Variants in PCDHA10 observed in about 807,000 individuals in gnomAD.
The protein encoded by PCDHA10 is protocadherin alpha 10.
Under a neutral mutation model 61.2 loss-of-function variants are expected in PCDHA10, and 45 were observed. The ratio of observed to expected loss-of-function variants is 0.74; its 90% CI spans 0.58 to 0.94. The LOEUF (loss-of-function observed/expected upper bound fraction) is 0.94. Ranked by LOEUF, PCDHA10 falls within the 40% of genes least tolerant of loss-of-function variation. PCDHA10 has a pLI of 0.00. For missense variants in PCDHA10, 1,278 were observed against 1,236.2 expected (o/e 1.03, Z -0.51); for synonymous variants, 602 against 548.8 (o/e 1.10, Z -1.35).
At chr5:140,962,772 T>C (rs1039768584) in intron 1 of PCDHA10, among the ~76,000 whole-genome samples, 2 of 152,336 alleles carry the variant, frequency 1.3e-5, no homozygotes, top group Admixed American at 1.3e-4. Context: ...TTTAACAAGA[T>C]GGAATTTTTA....
intron 1 of PCDHA10, among the ~76,000 whole-genome samples, chr5:140,917,117 C>T (rs1318149439): frequency 3.3e-5 from 5 of 152,018 alleles, no homozygotes; most frequent in South Asian, 2.1e-4. Flanking sequence ...CCTCCAAGTG[C>T]GCAGACTCCC....
In PCDHA10 at chr5:140,856,797, T is replaced by C. The variant is rs116416365; in HGVS notation, c.749T>C (p.Met250Thr). The C allele has an allele frequency of 1.0e-3, 1,647 of 1,595,690 alleles. 103 individuals carry two copies. The African/African-American group carries it at 0.02, about 19-fold the overall frequency. Residue 250 changes from methionine to threonine, a missense_variant, in exon 1 of 4, where the codon ATG becomes ACG. Transcript: ENST00000307360. ...IFDRPVYEVK[M>T]YENQVNQTLV... ...GACAGACCGGTTTATGAAGTTAAGA[T>C]GTATGAAAATCAAGTGAACCAAACA... is the stretch of plus-strand genomic sequence containing the variant.
chr5:140,921,030 G>C (rs1266143728), intron 1 of PCDHA10, among the ~76,000 whole-genome samples: 2 of 151,532 alleles, frequency 1.3e-5, no homozygotes, highest in Admixed American at 6.6e-5. Context: ...TCTAGACTGG[G>C]GTGCAGTGGG....
intron 1 of PCDHA10, among the ~76,000 whole-genome samples, chr5:140,885,206 A>G (rs1304868227): frequency 1.3e-5 from 2 of 152,038 alleles, no homozygotes; most frequent in Non-Finnish European, 2.9e-5. Context: ...CATATATCCC[A>G]TGAAAAATAT....
chr5:140,928,959 T>C (rs782250969), intron 1 of PCDHA10: 1 of 1,613,980 alleles, frequency 6.2e-7, no homozygotes, highest in South Asian at 1.1e-5. Context: ...TTGCCTTGGC[T>C]TGTATTTCCT....
chr5:140,950,556 A>G (rs2094497175), intron 1 of PCDHA10, among the ~76,000 whole-genome samples: 2 of 152,036 alleles, frequency 1.3e-5, no homozygotes, highest in Non-Finnish European at 2.9e-5. Context: ...CTGGGGGGAC[A>G]CTTATTTTAA....
intron 1 of PCDHA10, chr5:140,884,069 T>A (rs2059977023): frequency 6.2e-7 from 1 of 1,613,394 alleles, no homozygotes; most frequent in Non-Finnish European, 8.5e-7. Flanking sequence ...GGACGCCGAT[T>A]CGGGCTACAA....
rs782443419 is a variant in PCDHA10, at chr5:140,882,688, A to T, written c.2388+24252A>T. On this transcript the variant is annotated intron_variant, in intron 1 of 3. Coordinates refer to ENST00000307360, the MANE Select transcript of PCDHA10 (RefSeq NM_018901.4). ...TATTCCCTGAAAGCAAGAAACGAATAATCATTGCAGAATCTAGACCTCCGG... is the reference window on the plus strand; with the variant it reads ...TATTCCCTGAAAGCAAGAAACGAATTATCATTGCAGAATCTAGACCTCCGG... The T allele has an allele frequency of 1.2e-5, 20 of 1,614,078 alleles. 1 individual carries two copies. In the South Asian group the frequency reaches 2.2e-4, roughly 18 times the overall value.
In PCDHA10 at chr5:140,856,327, G is replaced by C; in HGVS notation, c.279G>C (p.Glu93Asp). 1 of 1,598,708 alleles carries C rather than the reference G, an allele frequency of 6.3e-7. No individual in the cohort carries two copies. Among genetic ancestry groups the C allele is most frequent in the Non-Finnish European group, 8.6e-7 (1 of 1,168,062 alleles). The change falls in exon 1 of 4, where the codon GAG (glutamate) becomes GAC (aspartate). Residue 93 changes from glutamate (E) to aspartate (D), a missense_variant. By Grantham distance (45) the Glu-to-Asp change is conservative. Transcript: ENST00000307360. The stretch of plus-strand genomic sequence containing the variant: ...TGAATTCTCGGATTGACCGCGAGGA[G>C]CTGTGCGGGCGGAGCGTGGAGTGCA... ...LFVNSRIDRE[E>D]LCGRSVECSI...
rs1041971288 is a variant in PCDHA10, at chr5:140,912,300, A to G, written c.2388+53864A>G. ...CCAGGAACAATACTTTGCCTCCTGT[A>G]ATCCAGTCAAGTTGACCCTCAGTAT... On this transcript the variant is annotated intron_variant, in intron 1 of 3. Coordinates refer to ENST00000307360, the MANE Select transcript of PCDHA10 (RefSeq NM_018901.4). Among the ~76,000 whole-genome samples, 5 of 152,070 alleles carry G rather than the reference A, an allele frequency of 3.3e-5. No homozygotes were observed. The East Asian group carries it at 9.7e-4, about 29-fold the overall frequency.
Position 140,876,962 on chromosome 5 carries a change from G to T in PCDHA10, c.2388+18526G>T, listed in dbSNP as rs375871457. 15 of 1,612,908 alleles carry T rather than the reference G, an allele frequency of 9.3e-6. No homozygotes were observed. The African/African-American group carries it at 1.6e-4, about 17-fold the overall frequency. ...CTGGTGTCCTACTCGCTGGTGGAGCGGCGGGTGGGCGAGCACGCACTGTCG... is the reference window on the plus strand; with the variant it reads ...CTGGTGTCCTACTCGCTGGTGGAGCTGCGGGTGGGCGAGCACGCACTGTCG... On this transcript the variant is annotated intron_variant, in intron 1 of 3. Coordinates refer to ENST00000307360, the MANE Select transcript of PCDHA10 (RefSeq NM_018901.4).
chr5:140,953,992 G>A (rs1210096728), intron 1 of PCDHA10, among the ~76,000 whole-genome samples: 3 of 152,034 alleles, frequency 2.0e-5, no homozygotes, highest in Non-Finnish European at 2.9e-5. Context: ...ATTTTCATGT[G>A]TACTCATCAT....
intron 3 of PCDHA10, among the ~76,000 whole-genome samples, chr5:141,000,278 G>A (rs574420053): frequency 6.6e-6 from 1 of 151,194 alleles, no homozygotes; most frequent in South Asian, 2.1e-4. Flanking sequence ...GGGAGGCAGA[G>A]GTGGGAATAT....
rs1359152136 is a variant in PCDHA10, at chr5:140,969,072, C to T, written c.2389-9877C>T. 2.1e-5 allele frequency: 34 copies of T among 1,613,982 alleles called. No individual in the cohort carries two copies. The highest frequency in any genetic ancestry group is 5.0e-5 in the Admixed American group (3 of 59,998). On this transcript the variant is annotated intron_variant, in intron 1 of 3. Transcript: ENST00000307360. ...AACAACAATATTGATGCCAGGATACCGCATGGCCTCAAAGTGCAGCCTCAC... is the reference window on the plus strand; with the variant it reads ...AACAACAATATTGATGCCAGGATACTGCATGGCCTCAAAGTGCAGCCTCAC...
At chr5:140,863,351 C>A in intron 1 of PCDHA10, 1 of 1,288,682 alleles carries the variant, frequency 7.8e-7, no homozygotes, top group Non-Finnish European at 1.1e-6. Flanking sequence ...CTGTACACGA[C>A]GCTGCGGTGC....
chr5:140,910,661 A>G (rs1289499574), intron 1 of PCDHA10, among the ~76,000 whole-genome samples: 1 of 152,186 alleles, frequency 6.6e-6, no homozygotes, highest in Non-Finnish European at 1.5e-5. Context: ...CTTCCTCTAC[A>G]TTAAACCAAG....
chr5:140,961,738 G>A (rs976601916), intron 1 of PCDHA10, among the ~76,000 whole-genome samples: 2 of 152,118 alleles, frequency 1.3e-5, no homozygotes, highest in African/African-American at 4.8e-5. Flanking sequence ...AATCACTTTA[G>A]TAATATTACA....
chr5:140,906,962 C>T (rs1554192812), intron 1 of PCDHA10, among the ~76,000 whole-genome samples: 2 of 152,146 alleles, frequency 1.3e-5, no homozygotes, highest in South Asian at 4.1e-4. Context: ...TTAATGGAAT[C>T]GTGGTTGTGT....
At chr5:140,876,395 T>G in intron 1 of PCDHA10, 1 of 1,613,920 alleles carries the variant, frequency 6.2e-7, no homozygotes, top group Non-Finnish European at 8.5e-7. Flanking sequence ...TATGGTGAAC[T>G]GGATTTTGAA....
Sources: gnomAD v4.1 joint callset for allele counts (sites outside exome capture counted in the v4.1 genomes callset) on GRCh38, gnomAD v4.1.1 for gene constraint, MANE v1.5 for transcripts, NCBI Gene and HGNC (gene_info 2026-07-23, HGNC 2026-07-21) for gene names.